The following RARB variants were observed in gnomAD, a reference collection of about 807,000 sequenced individuals.
RARB encodes the protein retinoic acid receptor beta, also known as HBV-activated protein.
Under a neutral mutation model 51.9 loss-of-function variants are expected in RARB, and 17 were observed. That is an observed-to-expected ratio of 0.33 (90% CI 0.22 to 0.49). The LOEUF (loss-of-function observed/expected upper bound fraction) is 0.49. Ranked by LOEUF, RARB falls within the 20% of genes least tolerant of loss-of-function variation. The pLI is 0.99. For synonymous variants in RARB, 215 were observed against 195.4 expected, an observed-to-expected ratio of 1.10 and a Z score of -0.84; for missense variants, 369 against 550.8, an observed-to-expected ratio of 0.67 and a Z score of 3.30.
At chr3:24,846,724 C>T (rs760578555) in intron 1 of RARB, among the ~76,000 whole-genome samples, 13 of 152,096 alleles carry the variant, frequency 8.5e-5, no homozygotes, top group Non-Finnish European at 1.8e-4. Context: ...AACAGAAGAC[C>T]TTATGTTCCT....
At chr3:25,010,793 T>C (rs1388009801) in intron 2 of RARB, among the ~76,000 whole-genome samples, 1 of 152,128 alleles carries the variant, frequency 6.6e-6, no homozygotes, top group Non-Finnish European at 1.5e-5. Context: ...CGATCCTTCT[T>C]TGGTCAGAAT....
intron 3 of RARB, among the ~76,000 whole-genome samples, chr3:25,087,262 C>T (rs1233147678): frequency 3.3e-5 from 5 of 152,242 alleles, no homozygotes; most frequent in Middle Eastern, 3.4e-3. Context: ...TTCAGATTTA[C>T]TTTAGCATGC....
chr3:25,219,813 A>C (rs750047455), intron 5 of RARB, among the ~76,000 whole-genome samples: 1 of 152,200 alleles, frequency 6.6e-6, no homozygotes, highest in Non-Finnish European at 1.5e-5. Context: ...CTACACACTC[A>C]CCTTGCCAGC....
In RARB at chr3:24,853,168, T is replaced by A. The variant is rs1304898484; in HGVS notation, c.-458-5506T>A. Among the ~76,000 whole-genome samples the A allele has an allele frequency of 4.8e-5, 7 of 146,782 alleles. No individual in the cohort carries two copies. In the South Asian group the frequency reaches 1.3e-3, roughly 27 times the overall value. On this transcript the variant is annotated intron_variant, in intron 1 of 11. Transcript: ENST00000383772. ...TCTTTACTAAAAAAAAAAAAAAAAA[T>A]TAGCCAGGCATGGTGGCAGGCACCT...
chr3:24,856,350 A>G (rs886175514), intron 1 of RARB, among the ~76,000 whole-genome samples: 3 of 152,176 alleles, frequency 2.0e-5, no homozygotes, highest in Non-Finnish European at 4.4e-5. Context: ...GCCAATCAAT[A>G]GTATTAAGGA....
At chr3:24,898,894 T>A (rs1559387588) in intron 2 of RARB, among the ~76,000 whole-genome samples, 1 of 152,170 alleles carries the variant, frequency 6.6e-6, no homozygotes, top group Non-Finnish European at 1.5e-5. Context: ...AAGGGTTGTG[T>A]TTCTACTCAG....
At position 25,223,805 on chromosome 3, in the gene RARB, A is replaced by G. The variant is rs113557402; in HGVS notation, c.178+49230A>G. On this transcript the variant is annotated intron_variant, in intron 5 of 11. Coordinates refer to the RARB transcript ENST00000383772. Reference sequence around the variant, plus strand: ...TCTGCACATATTTCAGTTTCCTTTCAGATCTATTTTTAGCACTATCACCCG... The same window carrying G: ...TCTGCACATATTTCAGTTTCCTTTCGGATCTATTTTTAGCACTATCACCCG... Among the ~76,000 whole-genome samples, 854 of 152,328 alleles carry G rather than the reference A, an allele frequency of 5.6e-3. 13 individuals carry two copies. Among genetic ancestry groups the G allele is most frequent in the African/African-American group, 0.018 (754 of 41,574 alleles).
intron 2 of RARB, among the ~76,000 whole-genome samples, chr3:25,003,938 A>G (rs576227405): frequency 1.3e-5 from 2 of 152,276 alleles, no homozygotes; most frequent in East Asian, 3.9e-4. Flanking sequence ...AAGAAAACAG[A>G]TTGGCCTCAT....
At chr3:25,005,043 C>A (rs1185583930) in intron 2 of RARB, among the ~76,000 whole-genome samples, 1 of 152,006 alleles carries the variant, frequency 6.6e-6, no homozygotes, top group East Asian at 1.9e-4. Flanking sequence ...AAAATTTATT[C>A]AGAATTTTGG....
chr3:24,989,572 T>TGGG, intron 2 of RARB, among the ~76,000 whole-genome samples: 1 of 108,170 alleles, frequency 9.2e-6, no homozygotes. Context: ...GTTTAATATA[T>TGGG]ATTTTTCTGA....
At chr3:25,058,896 T>A (rs1249891282) in intron 2 of RARB, among the ~76,000 whole-genome samples, 5 of 151,698 alleles carry the variant, frequency 3.3e-5, no homozygotes, top group African/African-American at 1.2e-4. Flanking sequence ...CCTAAATAAT[T>A]CTTATGGTAA....
At chr3:25,219,265 TA>T (rs5847342) in intron 5 of RARB, among the ~76,000 whole-genome samples, 3,534 of 148,846 alleles carry the variant, frequency 0.024, 140 homozygotes, top group African/African-American at 0.078. Context: ...ACCTCTAGGT[TA>T]AAAAAAAAAA....
chr3:25,552,127 C>T (rs1311954415), intron 3 of RARB, among the ~76,000 whole-genome samples: 1 of 152,034 alleles, frequency 6.6e-6, no homozygotes, highest in African/African-American at 2.4e-5. Context: ...CCACGGGCCC[C>T]TCTGTAGTCA....
At chr3:24,955,741 A>G (rs143205659) in intron 2 of RARB, among the ~76,000 whole-genome samples, 210 of 152,186 alleles carry the variant, frequency 1.4e-3, no homozygotes, top group African/African-American at 3.4e-3. Context: ...TTCGGGAGCA[A>G]TAAGTCATCA....
At position 25,331,617 on chromosome 3, in the gene RARB, T is replaced by TA. The variant is rs1253132726; in HGVS notation, c.179-129576_179-129575insA. Among the ~76,000 whole-genome samples the TA allele has an allele frequency of 3.3e-5, 5 of 151,886 alleles. No individual in the cohort carries two copies. In the East Asian group the frequency reaches 7.8e-4, roughly 24 times the overall value. On this transcript the variant is annotated intron_variant, in intron 5 of 11. Transcript: ENST00000383772. ...ACCCTAACATCACAATTAAAAGAACTGAGAAGCAAGAGCAGACACATTCAA... is the reference window on the plus strand; with the variant it reads ...ACCCTAACATCACAATTAAAAGAACTAGAGAAGCAAGAGCAGACACATTCAA...
intron 2 of RARB, among the ~76,000 whole-genome samples, chr3:24,864,958 G>C (rs989514374): frequency 1.3e-5 from 2 of 152,100 alleles, no homozygotes; most frequent in African/African-American, 4.8e-5. Context: ...AAAGACTCTT[G>C]TTCACAATGG....
At chr3:25,056,152 G>T (rs1289374656) in intron 2 of RARB, among the ~76,000 whole-genome samples, 1 of 152,076 alleles carries the variant, frequency 6.6e-6, no homozygotes, top group Non-Finnish European at 1.5e-5. Context: ...CTGGTAACAG[G>T]CTGGTCAAAG....
intron 2 of RARB, among the ~76,000 whole-genome samples, chr3:25,022,586 T>G (rs1209502646): frequency 6.6e-6 from 1 of 152,232 alleles, no homozygotes; most frequent in African/African-American, 2.4e-5. Flanking sequence ...TTCCTCTACA[T>G]GCTTACTAGC....
chr3:24,950,939 A>G (rs1021278953), intron 2 of RARB, among the ~76,000 whole-genome samples: 4 of 152,176 alleles, frequency 2.6e-5, no homozygotes, highest in African/African-American at 9.7e-5. Flanking sequence ...AATCTGGTCA[A>G]CACTTCTAGA....
Sources: gnomAD v4.1 joint callset for allele counts (sites outside exome capture counted in the v4.1 genomes callset) on GRCh38, gnomAD v4.1.1 for gene constraint, MANE v1.5 for transcripts, NCBI Gene and HGNC (gene_info 2026-07-23, HGNC 2026-07-21) for gene names.